The following IGSF6 variants were observed in gnomAD, a reference collection of about 807,000 sequenced individuals.
IGSF6 encodes the protein down-regulated by activation (immunoglobulin superfamily).
In IGSF6, 23 loss-of-function variants were observed where a neutral mutation model predicts 24.7. The ratio of observed to expected loss-of-function variants is 0.93; its 90% confidence interval spans 0.67 to 1.32. IGSF6 has a LOEUF of 1.32. Ranked by LOEUF, IGSF6 falls within the 40% of genes most tolerant of loss-of-function variation. The probability of loss-of-function intolerance (pLI) is 0.00; values close to 1 mark genes in which losing one functional copy is unlikely to be tolerated. For missense variants in IGSF6, 295 were observed against 293.6 expected (o/e 1.00, Z -0.04); for synonymous variants, 110 against 113.7 (o/e 0.97, Z 0.21).
chr16:21,647,338 C>T lies in IGSF6; in HGVS notation c.222G>A (p.Gln74=). Residue 74 remains glutamine, a synonymous_variant, in exon 2 of 6, where the codon CAG becomes CAA. Transcript: ENST00000268389. ...ACCCGTCCAAGCACAGGTTCTCAGGCTGGTGAGCACCGTAGCGAAACCACA... is the reference window on the plus strand; with the variant it reads ...ACCCGTCCAAGCACAGGTTCTCAGGTTGGTGAGCACCGTAGCGAAACCACA... ...TCLWFRYGAH[Q]PENLCLDGCK... is the part of the protein sequence containing the mutation. 1 of 1,614,170 alleles carries T rather than the reference C, an allele frequency of 6.2e-7. No homozygotes were observed. Among genetic ancestry groups the T allele is most frequent in the Non-Finnish European group, 8.5e-7 (1 of 1,180,032 alleles).
rs1431786777 is a variant in IGSF6 at position 21,647,525 on chromosome 16, G to A, written c.68-33C>T. 3.8e-6 allele frequency: 6 copies of A among 1,574,128 alleles called. No individual in the cohort carries two copies. The South Asian group carries it at 6.9e-5, about 18-fold the overall frequency. ...AGGAAGCAGATGAGTGGGTTAATGG[G>A]CCTGCCACCTCACTTTGTGCTTTTA... On this transcript the variant is annotated intron_variant, in intron 1 of 5. Transcript: ENST00000268389.
chr16:21,650,971 C>G (rs988595674), intron 1 of IGSF6, among the ~76,000 whole-genome samples: 1 of 152,178 alleles, frequency 6.6e-6, no homozygotes, highest in Non-Finnish European at 1.5e-5. Context: ...TGCCTGTAAT[C>G]CCAGCATTAT....
In IGSF6 at chr16:21,641,396, C is replaced by T; in HGVS notation, c.*138G>A. 2.1e-6 allele frequency: 1 copy of T among 481,464 alleles called. No individual in the cohort carries two copies. Among genetic ancestry groups the T allele is most frequent in the South Asian group, 4.0e-5 (1 of 24,822 alleles). The allele number at this position is 481,464 out of a possible 1,614,324, so 29.8% of individuals were successfully genotyped here. A position where few individuals can be genotyped will look rare whatever the true frequency, so the allele number is the denominator to read the frequency against. ...CTATTAGTTATAGTTTCCTTACATT[C>T]TGACATCCTTCTTTGTAGCCAGTTG... On this transcript the variant is annotated 3_prime_UTR_variant, in exon 6 of 6. Coordinates refer to ENST00000268389, the MANE Select transcript of IGSF6 (RefSeq NM_005849.4).
intron 1 of IGSF6, among the ~76,000 whole-genome samples, chr16:21,651,418 C>G (rs1966572827): frequency 6.6e-6 from 1 of 152,118 alleles, no homozygotes; most frequent in South Asian, 2.1e-4. Flanking sequence ...CCTCAGCCTC[C>G]CAGGTGGGTG....
In IGSF6 at chr16:21,639,857, A is replaced by G. The variant is rs1243185572; in HGVS notation, c.*1677T>C. The G allele has an allele frequency of 6.6e-6, 1 of 152,226 alleles. No individual in the cohort carries two copies. The highest frequency in any genetic ancestry group is 1.5e-5 in the Non-Finnish European group (1 of 68,046). The allele number at this position is 152,226 out of a possible 1,614,324, so 9.4% of individuals were successfully genotyped here. A position where few individuals can be genotyped will look rare whatever the true frequency, so the allele number is the denominator to read the frequency against. On this transcript the variant is annotated 3_prime_UTR_variant, in exon 6 of 6. Coordinates refer to ENST00000268389, the MANE Select transcript of IGSF6 (RefSeq NM_005849.4). ...AAAACACTTTCAAAGGAATCTTAAA[A>G]TATTTAACAATTCTAAGTTTTATAA... is the stretch of plus-strand genomic sequence containing the variant.
intron 2 of IGSF6, 76 bp from the exon 3 acceptor site, chr16:21,644,472 C>T: frequency 3.9e-6 from 4 of 1,035,462 alleles, no homozygotes; most frequent in Admixed American, 2.0e-5. Flanking sequence ...AAGTATCCTT[C>T]ACACTGCGTT....
chr16:21,644,406 A>G lies in IGSF6; in HGVS notation c.428-10T>C, dbSNP rs1966366711. 2 of 1,579,454 alleles carry G rather than the reference A, an allele frequency of 1.3e-6. No homozygotes were observed. Among genetic ancestry groups the G allele is most frequent in the African/African-American group, 1.3e-5 (1 of 74,238 alleles). On this transcript the variant is annotated splice_polypyrimidine_tract_variant and intron_variant, in intron 2 of 5. Coordinates refer to ENST00000268389, the MANE Select transcript of IGSF6 (RefSeq NM_005849.4). ...CTGAGCAGCTTAATTTCTTAATGACAAAAACAGAAAGAAGCACATTGACTA... is the reference window on the plus strand; with the variant it reads ...CTGAGCAGCTTAATTTCTTAATGACGAAAACAGAAAGAAGCACATTGACTA...
chr16:21,647,577 C>G, intron 1 of IGSF6, 85 bp from the exon 2 acceptor site: 3 of 1,483,420 alleles, frequency 2.0e-6, no homozygotes, highest in Non-Finnish European at 1.8e-6. Context: ...GGAAACCCAG[C>G]CATTCTGTTA....
At position 21,647,393 on chromosome 16, in the gene IGSF6, G is replaced by T; in HGVS notation, c.167C>A (p.Thr56Asn). ...AVTIKCTFSA[T>N]GCPSEQPTCL... ...TGTTGGTTGCTCAGAAGGGCATCCG[G>T]TTGCGGAGAAGGTACACTTTATGGT... The change falls in exon 2 of 6, where the codon ACC becomes AAC. Residue 56 changes from threonine to asparagine, a missense_variant. Coordinates refer to ENST00000268389, the MANE Select transcript of IGSF6 (RefSeq NM_005849.4). The T allele has an allele frequency of 6.2e-7, 1 of 1,614,118 alleles. No homozygotes were observed. The highest frequency in any genetic ancestry group is 1.1e-5 in the South Asian group (1 of 91,076).
intron 5 of IGSF6, 110 bp from the exon 6 acceptor site, chr16:21,641,703 G>T: frequency 3.7e-6 from 2 of 542,636 alleles, no homozygotes; most frequent in South Asian, 2.8e-5. Context: ...GGTCCTAAGT[G>T]TCCATATGGT....
chr16:21,651,202 G>A (rs954802257), intron 1 of IGSF6, among the ~76,000 whole-genome samples: 3 of 152,210 alleles, frequency 2.0e-5, no homozygotes, highest in African/African-American at 7.2e-5. Flanking sequence ...CAGCCTGGGT[G>A]ACAGAGCGAG....
chr16:21,643,943 T>C (rs1242972318), intron 3 of IGSF6, among the ~76,000 whole-genome samples: 1 of 152,214 alleles, frequency 6.6e-6, no homozygotes, highest in Admixed American at 6.5e-5. Flanking sequence ...AAGACTGTTC[T>C]TAAGGCTTTC....
At chr16:21,644,241 A>T in intron 3 of IGSF6, 49 bp downstream of exon 3, 1 of 1,268,268 alleles carries the variant, frequency 7.9e-7, no homozygotes, top group Non-Finnish European at 1.1e-6. Flanking sequence ...TTTTCTTTTG[A>T]TAATATTCAA....
chr16:21,641,538 G>A lies in IGSF6; in HGVS notation c.722C>T (p.Pro241Leu). ...NRRVLSNYER[P>L] ...TCATTGAAAATTAAAACGTTTCTAT[G>A]GCCTTTCATAGTTGGAAAGTACTCT... The change falls in exon 6 of 6, where the codon CCA becomes CTA. Residue 241 changes from proline to leucine, a missense_variant. Physicochemically the swap from Pro to Leu is moderately conservative, Grantham distance 98 (BLOSUM62 -3). Transcript: ENST00000268389. The A allele has an allele frequency of 6.3e-7, 1 of 1,576,922 alleles. No individual in the cohort carries two copies. Among genetic ancestry groups the A allele is most frequent in the Non-Finnish European group, 8.7e-7 (1 of 1,151,280 alleles).
At chr16:21,647,020 A>G in intron 2 of IGSF6, 113 bp downstream of exon 2, 1 of 1,346,890 alleles carries the variant, frequency 7.4e-7, no homozygotes, top group Non-Finnish European at 1.1e-6. Context: ...ATCACTGGCT[A>G]GGGTATTAAC....
At position 21,650,495 on chromosome 16, in the gene IGSF6, G is replaced by A. The variant is rs1477983809; in HGVS notation, c.67+2037C>T. On this transcript the variant is annotated intron_variant, in intron 1 of 5. Transcript: ENST00000268389. ...TGCACTCTAGCCTGGGTGACAGAGT[G>A]AGACTCTTGTCTCAAAAAAAAAAAA... Among the ~76,000 whole-genome samples, 3 of 139,972 alleles carry A rather than the reference G, an allele frequency of 2.1e-5. 1 individual carries two copies. In the Admixed American group the frequency reaches 2.2e-4, roughly 10 times the overall value. The allele number at this position is 139,972 out of a possible 152,430, so 91.8% of individuals were successfully genotyped here.
chr16:21,647,489 G>C lies in IGSF6; in HGVS notation c.71C>G (p.Ala24Gly), dbSNP rs548553916. 1.2e-6 allele frequency: 2 copies of C among 1,607,886 alleles called. No individual in the cohort carries two copies. The highest frequency in any genetic ancestry group is 2.2e-5 in the South Asian group (2 of 90,950). The change falls in exon 2 of 6, where the codon GCT (alanine) becomes GGT (glycine). Residue 24 changes from alanine to glycine, a missense_variant. Ala to Gly is a moderately conservative substitution (Grantham distance 60). Coordinates refer to ENST00000268389, the MANE Select transcript of IGSF6 (RefSeq NM_005849.4). ...GACAGAGAGAGTACAGGCGCCCACA[G>C]CACCTGTGGGAGGAAGCAGATGAGT... The part of the protein sequence containing the change: ...QTNLILFCVG[A>G]VGACTLSVTQ...
At chr16:21,644,465 T>C (rs1215014523) in intron 2 of IGSF6, 69 bp from the exon 3 acceptor site, 2 of 1,088,344 alleles carry the variant, frequency 1.8e-6, no homozygotes, top group Non-Finnish European at 2.8e-6. Context: ...ATGTGTAAAG[T>C]ATCCTTCACA....
intron 1 of IGSF6, among the ~76,000 whole-genome samples, chr16:21,647,861 C>T (rs924720441): frequency 1.3e-5 from 2 of 152,186 alleles, no homozygotes; most frequent in African/African-American, 4.8e-5. Context: ...AATCTCCTGC[C>T]TGCTTTCTTG....
Sources: allele counts gnomAD v4.1 joint callset (sites outside exome capture counted in the v4.1 genomes callset), GRCh38; gene constraint gnomAD v4.1.1; transcripts MANE v1.5; gene names NCBI Gene and HGNC (gene_info 2026-07-23, HGNC 2026-07-21).